The following CDH4 variants were observed in gnomAD, a reference collection of about 807,000 sequenced individuals.
CDH4 encodes cadherin-4.
In CDH4, 33 loss-of-function variants were observed where a neutral mutation model predicts 86.0. That is an observed-to-expected ratio of 0.38 (90% CI 0.29 to 0.51). CDH4 has a LOEUF of 0.51. Ranked by LOEUF, CDH4 falls within the 20% of genes least tolerant of loss-of-function variation. CDH4 has a pLI of 0.86. For missense variants in CDH4, 1,114 were observed against 1,307.4 expected (o/e 0.85, Z 2.28); for synonymous variants, 555 against 549.4 (o/e 1.01, Z -0.14).
chr20:61,918,089 C>T (rs2054925371), intron 9 of CDH4, among the ~76,000 whole-genome samples: 1 of 152,266 alleles, frequency 6.6e-6, no homozygotes, highest in African/African-American at 2.4e-5. Flanking sequence ...GGGGGGGCAG[C>T]TGCAGGCGTT....
chr20:61,668,255 G>A (rs2087348970), intron 2 of CDH4, among the ~76,000 whole-genome samples: 1 of 152,254 alleles, frequency 6.6e-6, no homozygotes, highest in Middle Eastern at 3.2e-3. Context: ...AGGTGCAAAT[G>A]GGTGTGTGCA....
At chr20:61,723,919 C>T (rs2088075698) in intron 2 of CDH4, among the ~76,000 whole-genome samples, 1 of 147,822 alleles carries the variant, frequency 6.8e-6, no homozygotes, top group African/African-American at 2.5e-5. Context: ...GATGGAGGCT[C>T]CATGTGGCAG....
chr20:61,595,262 G>A (rs557640034), intron 2 of CDH4, among the ~76,000 whole-genome samples: 1 of 152,374 alleles, frequency 6.6e-6, no homozygotes, highest in South Asian at 2.1e-4. Flanking sequence ...AAGCCCTGCT[G>A]TGACCTGTGG....
intron 3 of CDH4, among the ~76,000 whole-genome samples, chr20:61,747,789 G>T (rs534431492): frequency 2.0e-5 from 3 of 152,168 alleles, no homozygotes; most frequent in Non-Finnish European, 2.9e-5. Context: ...CAGTAAGAAG[G>T]TCTAATGTGT....
intron 4 of CDH4, among the ~76,000 whole-genome samples, chr20:61,803,932 G>T (rs1979977346): frequency 6.6e-6 from 1 of 152,250 alleles, no homozygotes; most frequent in South Asian, 2.1e-4. Flanking sequence ...TCCAGGAGGC[G>T]GTGCCGAGAC....
intron 2 of CDH4, among the ~76,000 whole-genome samples, chr20:61,635,040 C>T (rs1299312394): frequency 6.6e-6 from 1 of 152,178 alleles, no homozygotes; most frequent in Non-Finnish European, 1.5e-5. Flanking sequence ...TGCCCGTCTG[C>T]CCGTGGACAC....
In CDH4 at chr20:61,753,533, G is replaced by A. The variant is rs369881538; in HGVS notation, c.396+9744G>A. Among the ~76,000 whole-genome samples the A allele has an allele frequency of 8.8e-4, 134 of 152,240 alleles. 1 individual carries two copies. The highest frequency in any genetic ancestry group is 3.2e-3 in the African/African-American group (131 of 41,548). On this transcript the variant is annotated intron_variant, in intron 3 of 15. Coordinates refer to ENST00000614565, the MANE Select transcript of CDH4 (RefSeq NM_001794.5). ...AATTCAATTAGGAAATGCAAATGAG[G>A]TCACATATTTCCCACCGGAGGGCTG...
intron 2 of CDH4, among the ~76,000 whole-genome samples, chr20:61,725,456 G>A (rs891468450): frequency 7.9e-5 from 12 of 152,180 alleles, no homozygotes; most frequent in Admixed American, 3.3e-4. Flanking sequence ...ACTGTTCCCA[G>A]TATCAACAGG....
intron 3 of CDH4, among the ~76,000 whole-genome samples, chr20:61,753,268 C>T (rs1451723864): frequency 6.6e-6 from 1 of 152,072 alleles, no homozygotes; most frequent in Non-Finnish European, 1.5e-5. Flanking sequence ...TTTCATTTCT[C>T]TTATGTCGAG....
At chr20:61,899,227 C>G (rs1600751607) in intron 8 of CDH4, among the ~76,000 whole-genome samples, 2 of 151,650 alleles carry the variant, frequency 1.3e-5, no homozygotes, top group Admixed American at 1.3e-4. Context: ...CTGCTTGAAC[C>G]TGGGAGGTGG....
intron 3 of CDH4, among the ~76,000 whole-genome samples, chr20:61,760,828 C>G (rs11700103): frequency 0.15 from 22,405 of 152,170 alleles, 1,796 homozygotes; most frequent in Non-Finnish European, 0.17. Context: ...TGGGTTTGGC[C>G]CCTACTGGTG....
chr20:61,838,513 A>G (rs1456830119), intron 4 of CDH4, among the ~76,000 whole-genome samples: 1 of 152,142 alleles, frequency 6.6e-6, no homozygotes, highest in African/African-American at 2.4e-5. Context: ...AGATCCTAAA[A>G]GAAAATTGCC....
At chr20:61,276,938 C>G (rs1341355291) in intron 2 of CDH4, among the ~76,000 whole-genome samples, 2 of 152,204 alleles carry the variant, frequency 1.3e-5, no homozygotes, top group East Asian at 3.8e-4. Context: ...CTCAGGTTCT[C>G]TAAAAGCTTT....
chr20:61,502,407 C>T (rs1171082574), intron 2 of CDH4, among the ~76,000 whole-genome samples: 1 of 152,078 alleles, frequency 6.6e-6, no homozygotes, highest in Non-Finnish European at 1.5e-5. Context: ...CTGGGACTGG[C>T]CTCTGATGAG....
At chr20:61,424,931 C>A (rs1356489574) in intron 2 of CDH4, among the ~76,000 whole-genome samples, 1 of 142,906 alleles carries the variant, frequency 7.0e-6, no homozygotes, top group Non-Finnish European at 1.6e-5. Context: ...GTGGTCCATC[C>A]GGAGCCAAAT....
At chr20:61,649,718 C>T (rs552724717) in intron 2 of CDH4, among the ~76,000 whole-genome samples, 2 of 152,268 alleles carry the variant, frequency 1.3e-5, no homozygotes, top group South Asian at 2.1e-4. Flanking sequence ...TTGCAGGAAG[C>T]GTTTGTGTTT....
At chr20:61,732,504 C>T (rs2088204005) in intron 2 of CDH4, among the ~76,000 whole-genome samples, 1 of 152,178 alleles carries the variant, frequency 6.6e-6, no homozygotes, top group African/African-American at 2.4e-5. Flanking sequence ...CTAAGCATGC[C>T]TCAGGACCCA....
At chr20:61,478,676 G>A (rs772012958) in intron 2 of CDH4, among the ~76,000 whole-genome samples, 2 of 152,330 alleles carry the variant, frequency 1.3e-5, no homozygotes, top group South Asian at 2.1e-4. Context: ...GTCGAAGCCC[G>A]GCGTGTAGCA....
intron 2 of CDH4, among the ~76,000 whole-genome samples, chr20:61,687,044 T>C (rs2087589371): frequency 6.6e-6 from 1 of 151,504 alleles, no homozygotes; most frequent in African/African-American, 2.4e-5. Context: ...TGGAAGTCTC[T>C]GCTCCGAAGA....
Sources: allele counts gnomAD v4.1 joint callset (sites outside exome capture counted in the v4.1 genomes callset), GRCh38; gene constraint gnomAD v4.1.1; transcripts MANE v1.5; gene names NCBI Gene and HGNC (gene_info 2026-07-23, HGNC 2026-07-21).